Variants in EDNRB observed in about 807,000 individuals in gnomAD.
EDNRB encodes Hirschsprung disease 2.
A neutral mutation model predicts 46.4 loss-of-function variants in EDNRB; 18 were observed. The ratio of observed to expected loss-of-function variants is 0.39; its 90% CI spans 0.27 to 0.57. The LOEUF is 0.57. EDNRB is among the 20% of genes least tolerant of loss of function. The probability of loss-of-function intolerance (pLI) is 0.61; values close to 1 mark genes in which losing one functional copy is unlikely to be tolerated. For synonymous variants in EDNRB, 213 were observed against 204.9 expected, an observed-to-expected ratio of 1.04 and a Z score of -0.34; for missense variants, 434 against 537.5, an observed-to-expected ratio of 0.81 and a Z score of 1.90.
chr13:77,904,795 AG>A (rs1879191855), intron 1 of EDNRB, among the ~76,000 whole-genome samples: 1 of 152,012 alleles, frequency 6.6e-6, no homozygotes, highest in Admixed American at 6.6e-5. Flanking sequence ...TGAAAATAAA[AG>A]TATTTCAAAT....
chr13:77,944,326 C>T (rs1051206352), intron 1 of EDNRB, among the ~76,000 whole-genome samples: 8 of 151,858 alleles, frequency 5.3e-5, no homozygotes, highest in Admixed American at 2.0e-4. Context: ...ACATTTATAC[C>T]CTGAATGCAT....
intron 1 of EDNRB, among the ~76,000 whole-genome samples, chr13:77,938,145 G>A (rs963825862): frequency 6.6e-6 from 1 of 152,070 alleles, no homozygotes; most frequent in Non-Finnish European, 1.5e-5. Flanking sequence ...GGGAGAAGCA[G>A]GAGGAATGGA....
Position 77,897,966 on chromosome 13 carries a change from A to G in EDNRB, c.*234T>C. The G allele has an allele frequency of 1.5e-6, 2 of 1,300,834 alleles. No homozygotes were observed. The highest frequency in any genetic ancestry group is 2.0e-6 in the Non-Finnish European group (2 of 1,018,134). The allele number at this position is 1,300,834 out of a possible 1,614,324, so 80.6% of individuals were successfully genotyped here. A position where few individuals can be genotyped will look rare whatever the true frequency, so the allele number is the denominator to read the frequency against. On this transcript the variant is annotated 3_prime_UTR_variant, in exon 7 of 7. Transcript: ENST00000646607. ...TATGTTGAAGTGCTAACTGTAAAAA[A>G]TTAAGTGCTTTCACGACGAGGCTTT...
chr13:77,901,280 A>G, intron 3 of EDNRB, 73 bp from the exon 4 acceptor site: 1 of 1,492,330 alleles, frequency 6.7e-7, no homozygotes, highest in Non-Finnish European at 9.2e-7. Context: ...TGTTAAACTT[A>G]AAAAAATTCA....
At chr13:77,946,349 G>GTA (rs1880915882) in intron 1 of EDNRB, among the ~76,000 whole-genome samples, 1 of 152,170 alleles carries the variant, frequency 6.6e-6, no homozygotes, top group African/African-American at 2.4e-5. Flanking sequence ...GATACGGAAG[G>GTA]AATGGATGCA....
intron 1 of EDNRB, among the ~76,000 whole-genome samples, chr13:77,945,092 A>G (rs182024950): frequency 6.6e-6 from 1 of 152,294 alleles, no homozygotes; most frequent in Admixed American, 6.5e-5. Context: ...AAGATGTTGG[A>G]TTATGACAGG....
At chr13:77,951,788 G>C (rs1359850212) in intron 1 of EDNRB, among the ~76,000 whole-genome samples, 2 of 152,068 alleles carry the variant, frequency 1.3e-5, no homozygotes, top group African/African-American at 4.8e-5. Context: ...TTGAGAGGAG[G>C]CTTTAACCCT....
intron 1 of EDNRB, among the ~76,000 whole-genome samples, chr13:77,933,658 A>C (rs1014300431): frequency 1.3e-5 from 2 of 152,178 alleles, no homozygotes; most frequent in Non-Finnish European, 2.9e-5. Context: ...ATTAATAAGA[A>C]AAATAAAATG....
intron 1 of EDNRB, among the ~76,000 whole-genome samples, chr13:77,948,729 T>C (rs888918754): frequency 6.6e-6 from 1 of 152,220 alleles, no homozygotes; most frequent in Non-Finnish European, 1.5e-5. Context: ...CTGTTTCTTT[T>C]ATTCCAACTC....
intron 1 of EDNRB, among the ~76,000 whole-genome samples, chr13:77,928,864 T>C (rs1880310739): frequency 6.6e-6 from 1 of 152,236 alleles, no homozygotes; most frequent in Non-Finnish European, 1.5e-5. Flanking sequence ...ATATGTCAAA[T>C]GCTTAATTTA....
At chr13:77,899,243 T>C (rs903130995) in intron 6 of EDNRB, among the ~76,000 whole-genome samples, 8 of 151,856 alleles carry the variant, frequency 5.3e-5, no homozygotes, top group African/African-American at 1.9e-4. Context: ...CATGGACAAA[T>C]GGATGATTTT....
chr13:77,944,752 A>G (rs1309073544), intron 1 of EDNRB: 4 of 152,306 alleles, frequency 2.6e-5, no homozygotes, highest in African/African-American at 9.6e-5. Flanking sequence ...TGGAAGCTGC[A>G]TGAATAAAGC....
At chr13:77,968,160 T>C (rs1323390681) in intron 1 of EDNRB, among the ~76,000 whole-genome samples, 1 of 152,018 alleles carries the variant, frequency 6.6e-6, no homozygotes, top group African/African-American at 2.4e-5. Context: ...ATTTACATAC[T>C]ATAATGCATT....
At chr13:77,951,891 C>T (rs1881101085) in intron 1 of EDNRB, among the ~76,000 whole-genome samples, 1 of 152,176 alleles carries the variant, frequency 6.6e-6, no homozygotes, top group African/African-American at 2.4e-5. Context: ...TACCCAAAGT[C>T]GTCCAATCAG....
intron 1 of EDNRB, among the ~76,000 whole-genome samples, chr13:77,956,504 C>G (rs1881245506): frequency 6.6e-6 from 1 of 152,114 alleles, no homozygotes; most frequent in Admixed American, 6.5e-5. Context: ...GATGCTTTTT[C>G]TTGCCTAATT....
Position 77,900,647 on chromosome 13 carries a change from T to G in EDNRB, c.959A>C (p.Glu320Ala). ...CAGGCAAAAGACGGTTTTGGCCACT[T>G]CCCGTCTCTGAAATAAATCCATAGT... ...ALNDHLKQRR[E>A]VAKTVFCLVL... Residue 320 changes from glutamate to alanine, a missense_variant, in exon 5 of 7, where the codon GAA becomes GCA. Transcript: ENST00000646607. The G allele has an allele frequency of 1.2e-6, 2 of 1,612,234 alleles. No individual in the cohort carries two copies. The highest frequency in any genetic ancestry group is 1.7e-6 in the Non-Finnish European group (2 of 1,178,938).
intron 1 of EDNRB, among the ~76,000 whole-genome samples, chr13:77,970,332 G>A (rs1439088926): frequency 2.0e-5 from 3 of 152,102 alleles, no homozygotes; most frequent in South Asian, 2.1e-4. Context: ...GTAGCAGGAC[G>A]AGCCACAGAC....
At chr13:77,949,708 G>A (rs1187702702) in intron 1 of EDNRB, among the ~76,000 whole-genome samples, 2 of 152,110 alleles carry the variant, frequency 1.3e-5, no homozygotes, top group South Asian at 2.1e-4. Context: ...CAGGTAGGCA[G>A]GAGACAGTGT....
chr13:77,922,808 C>T (rs1395733910), upstream of EDNRB, among the ~76,000 whole-genome samples: 2 of 152,140 alleles, frequency 1.3e-5, no homozygotes, highest in African/African-American at 4.8e-5. Flanking sequence ...CAAATGTTTG[C>T]AATCCTGTGA....
Sources: allele counts gnomAD v4.1 joint callset (sites outside exome capture counted in the v4.1 genomes callset), GRCh38; gene constraint gnomAD v4.1.1; transcripts MANE v1.5; gene names NCBI Gene and HGNC (gene_info 2026-07-23, HGNC 2026-07-21).